ZSCAN2: variants seen among roughly 807,000 people sequenced by gnomAD.
ZSCAN2 encodes the protein zinc finger and SCAN domain-containing protein 2.
Under a neutral mutation model 47.8 loss-of-function variants are expected in ZSCAN2, and 26 were observed. The ratio of observed to expected loss-of-function variants is 0.54; its 90% CI spans 0.40 to 0.75. The LOEUF is 0.75. Ranked by LOEUF, ZSCAN2 falls within the 30% of genes least tolerant of loss-of-function variation. The pLI is 0.00. For missense variants in ZSCAN2, 732 were observed against 785.4 expected (o/e 0.93, Z 0.81); for synonymous variants, 305 against 288.7 (o/e 1.06, Z -0.57).
chr15:84,617,006 C>T (rs1895708116), intron 2 of ZSCAN2, among the ~76,000 whole-genome samples: 1 of 152,080 alleles, frequency 6.6e-6, no homozygotes, highest in Non-Finnish European at 1.5e-5. Context: ...CCTGTAATCC[C>T]AGTTAATTGG....
intron 2 of ZSCAN2, among the ~76,000 whole-genome samples, chr15:84,618,660 C>G (rs1895749566): frequency 6.6e-6 from 1 of 151,106 alleles, no homozygotes; most frequent in South Asian, 2.1e-4. Context: ...CTCCTGGGTT[C>G]TAGTGATTCT....
intron 2 of ZSCAN2, among the ~76,000 whole-genome samples, chr15:84,619,926 G>C (rs200360905): frequency 3.5e-5 from 1 of 28,672 alleles, no homozygotes; most frequent in African/African-American, 1.1e-4. Flanking sequence ...AGCCTGGGTT[G>C]GTTTTTTTTT....
Position 84,621,579 on chromosome 15 carries a change from A to T in ZSCAN2, c.1384A>T (p.Ile462Phe). 3 of 1,613,938 alleles carry T rather than the reference A, an allele frequency of 1.9e-6. No homozygotes were observed. The highest frequency in any genetic ancestry group is 2.5e-6 in the Non-Finnish European group (3 of 1,179,986). ...GAGCTTCAGCCAGAGCTCCAGTCTGATTGCACACCAGGGCATGCACACAGG... is the reference window on the plus strand; with the variant it reads ...GAGCTTCAGCCAGAGCTCCAGTCTGTTTGCACACCAGGGCATGCACACAGG... Reference protein sequence around the residue: ...GKSFSQSSSLIAHQGMHTGEK... With the variant: ...GKSFSQSSSLFAHQGMHTGEK... The change falls in exon 3 of 3, where the codon ATT (isoleucine) becomes TTT (phenylalanine). Residue 462 changes from isoleucine (I) to phenylalanine (F), a missense_variant. By Grantham distance (21) the Ile-to-Phe change is conservative (BLOSUM62 0). Coordinates refer to ENST00000546148, the MANE Select transcript of ZSCAN2 (RefSeq NM_181877.4). The surrounding 1 kb of genome is among the most constrained non-coding windows in gnomAD (Gnocchi z 5.7).
chr15:84,613,667 C>T (rs1320511397), intron 2 of ZSCAN2, among the ~76,000 whole-genome samples: 2 of 128,874 alleles, frequency 1.6e-5, no homozygotes, highest in Non-Finnish European at 3.2e-5. Flanking sequence ...CAATTTTAGT[C>T]AGTAATCTTT....
chr15:84,603,706 G>A (rs548708669), intron 1 of ZSCAN2, 114 bp from the exon 2 acceptor site: 13 of 485,618 alleles, frequency 2.7e-5, no homozygotes, highest in South Asian at 2.1e-4. Context: ...AACAGGAAAC[G>A]TCTGTTGGTT....
intron 2 of ZSCAN2, among the ~76,000 whole-genome samples, chr15:84,618,086 C>A (rs1895735794): frequency 5.3e-5 from 8 of 152,162 alleles, no homozygotes; most frequent in Admixed American, 5.2e-4. Context: ...AATTGAGCAT[C>A]TAACCTTAAA....
chr15:84,621,991 C>G lies in ZSCAN2; in HGVS notation c.1796C>G (p.Ser599Cys). The change falls in exon 3 of 3, where the codon TCT becomes TGT. Residue 599 changes from serine (S) to cysteine (C), a missense_variant. Ser to Cys is a moderately radical substitution (Grantham distance 112). Coordinates refer to ENST00000546148, the MANE Select transcript of ZSCAN2 (RefSeq NM_181877.4). The surrounding 1 kb of genome is among the most constrained non-coding windows in gnomAD (Gnocchi z 5.7). ...PECGKGFSNS[S>C]NFITHQRTHM... ...TGTGGCAAAGGCTTCAGCAACAGCT[C>G]TAACTTTATCACACATCAGAGAACT... 1 of 1,613,684 alleles carries G rather than the reference C, an allele frequency of 6.2e-7. No individual in the cohort carries two copies. The highest frequency in any genetic ancestry group is 8.5e-7 in the Non-Finnish European group (1 of 1,179,720).
intron 2 of ZSCAN2, chr15:84,606,243 C>T (rs1323111022): frequency 1.1e-5 from 4 of 379,220 alleles, no homozygotes; most frequent in South Asian, 2.4e-5. Context: ...GGACTGACGC[C>T]GAAGGTCTGC....
Position 84,620,831 on chromosome 15 carries a change from G to A in ZSCAN2, c.636G>A (p.Leu212=), listed in dbSNP as rs140509296. The change falls in exon 3 of 3, where the codon CTG becomes CTA. Residue 212 remains leucine, a synonymous_variant. Transcript: ENST00000546148. ...GGGAAGTTGGCCAGCTCATAGGCCT[G>A]CAGGGCACCTACCTAGGGGAGAAGC... The part of the protein sequence containing the change: ...QDREVGQLIG[L]QGTYLGEKPY... 4 of 1,614,112 alleles carry A rather than the reference G, an allele frequency of 2.5e-6. No individual in the cohort carries two copies. The African/African-American group carries it at 5.3e-5, about 22-fold the overall frequency.
rs1329704314 is a variant in ZSCAN2, at chr15:84,621,942, G to A, written c.1747G>A (p.Glu583Lys). 1.2e-6 allele frequency: 2 copies of A among 1,614,192 alleles called. No homozygotes were observed. Residue 583 changes from glutamate to lysine, a missense_variant, in exon 3 of 3, where the codon GAG becomes AAG. By Grantham distance (56) the Glu-to-Lys change is moderately conservative (BLOSUM62 1). Around this residue, in one of 2 missense-constraint regions of ZSCAN2, gnomAD observed 412 missense variants for 498.0 expected, o/e 0.83. Coordinates refer to ENST00000546148, the MANE Select transcript of ZSCAN2 (RefSeq NM_181877.4). This position sits in a 1 kb window ranked among gnomAD's most constrained non-coding sequence, Gnocchi z 5.7. Reference protein sequence around the residue: ...LIIHQRIHTGEKPYKCPECGK... With the variant: ...LIIHQRIHTGKKPYKCPECGK... ...TATACATCAGCGAATCCACACTGGG[G>A]AGAAGCCCTACAAATGCCCCGAGTG...
At chr15:84,607,801 G>A (rs530010193) in intron 2 of ZSCAN2, among the ~76,000 whole-genome samples, 1 of 152,238 alleles carries the variant, frequency 6.6e-6, no homozygotes, top group South Asian at 2.1e-4. Context: ...GAGCCACCAC[G>A]CCTGGCCCTT....
At chr15:84,601,163 AC>A (rs1895189007) in intron 1 of ZSCAN2, 28 bp downstream of exon 1, 2 of 152,242 alleles carry the variant, frequency 1.3e-5, no homozygotes, top group African/African-American at 4.8e-5. Context: ...GCCTGGAGCC[AC>A]GCGGACCCCG....
intron 2 of ZSCAN2, among the ~76,000 whole-genome samples, chr15:84,618,544 G>A (rs1895746723): frequency 6.6e-6 from 1 of 151,576 alleles, no homozygotes; most frequent in Non-Finnish European, 1.5e-5. Context: ...CAGCATTAAT[G>A]TTCCCAACAG....
intron 2 of ZSCAN2, among the ~76,000 whole-genome samples, chr15:84,607,366 C>G (rs1442477997): frequency 6.6e-6 from 1 of 151,978 alleles, no homozygotes; most frequent in Non-Finnish European, 1.5e-5. Flanking sequence ...AGCATGACCT[C>G]CTTGTTCTGC....
At chr15:84,606,599 A>G (rs549542754) in intron 2 of ZSCAN2, 1 of 1,613,854 alleles carries the variant, frequency 6.2e-7, no homozygotes, top group East Asian at 2.2e-5. Flanking sequence ...CTCCAGTCAG[A>G]TACTATGGAG....
intron 2 of ZSCAN2, among the ~76,000 whole-genome samples, chr15:84,613,824 G>C (rs749329551): frequency 1.3e-5 from 2 of 151,698 alleles, no homozygotes; most frequent in Non-Finnish European, 1.5e-5. Context: ...TGGGATTACA[G>C]GCATGTACCA....
chr15:84,616,219 A>G (rs904723254), intron 2 of ZSCAN2: 2 of 790,436 alleles, frequency 2.5e-6, no homozygotes, highest in Non-Finnish European at 4.5e-6. Context: ...CCTGGGTGAC[A>G]GAGTGAGACT....
At chr15:84,606,951 G>T in intron 2 of ZSCAN2, 2 of 825,692 alleles carry the variant, frequency 2.4e-6, no homozygotes, top group Non-Finnish European at 3.0e-6. Flanking sequence ...ATAAGGCCGC[G>T]TGACCTCTAT....
intron 2 of ZSCAN2, chr15:84,606,331 C>G (rs1895380897): frequency 3.6e-6 from 2 of 551,652 alleles, no homozygotes; most frequent in African/African-American, 1.9e-5. Flanking sequence ...TGTCATTTCA[C>G]AGATAGGAAA....
Sources: allele counts gnomAD v4.1 joint callset (sites outside exome capture counted in the v4.1 genomes callset), GRCh38; gene constraint gnomAD v4.1.1; regional missense constraint gnomAD v4.1.1; non-coding constraint Gnocchi (gnomAD v3.1); transcripts MANE v1.5; gene names NCBI Gene and HGNC (gene_info 2026-07-23, HGNC 2026-07-21).